TRMT1L: variants seen among roughly 807,000 people sequenced by gnomAD.
TRMT1L encodes tRNA (guanine(27)-N(2))-dimethyltransferase.
A neutral mutation model predicts 81.6 loss-of-function variants in TRMT1L; 28 were observed. That is an observed-to-expected ratio of 0.34 (90% CI 0.25 to 0.47). The LOEUF is 0.47. Among genes scored for constraint, TRMT1L ranks in the 20% least tolerant of loss-of-function variants. TRMT1L has a pLI of 1.00. For missense variants in TRMT1L, 739 were observed against 877.1 expected, an observed-to-expected ratio of 0.84 and a Z score of 1.99; for synonymous variants, 301 against 303.2, an observed-to-expected ratio of 0.99 and a Z score of 0.07.
At chr1:185,144,371 C>A (rs1035773822) in intron 5 of TRMT1L, among the ~76,000 whole-genome samples, 12 of 151,964 alleles carry the variant, frequency 7.9e-5, no homozygotes, top group African/African-American at 2.7e-4. Flanking sequence ...CCTAAAATAC[C>A]TTTGTGGTTC....
intron 10 of TRMT1L, among the ~76,000 whole-genome samples, chr1:185,129,107 T>C (rs1287129684): frequency 6.6e-6 from 1 of 152,270 alleles, no homozygotes; most frequent in Admixed American, 6.5e-5. Flanking sequence ...TTACTTACTA[T>C]ACCACATGAA....
chr1:185,145,624 T>C (rs1571355008), intron 4 of TRMT1L, 56 bp from the exon 5 acceptor site: 3 of 1,561,120 alleles, frequency 1.9e-6, no homozygotes, highest in South Asian at 1.1e-5. Flanking sequence ...AACAGAAGTA[T>C]ATGTTTGCAA....
intron 5 of TRMT1L, 25 bp downstream of exon 5, chr1:185,145,414 A>G (rs1190437613): frequency 6.9e-6 from 11 of 1,596,212 alleles, no homozygotes; most frequent in Non-Finnish European, 8.6e-6. Context: ...ACATATTAAT[A>G]TGTTAATGAG....
chr1:185,129,745 T>C (rs1652723625), intron 10 of TRMT1L, among the ~76,000 whole-genome samples: 1 of 152,232 alleles, frequency 6.6e-6, no homozygotes, highest in African/African-American at 2.4e-5. Flanking sequence ...AGATCTTATT[T>C]TACATTTACT....
intron 11 of TRMT1L, among the ~76,000 whole-genome samples, chr1:185,125,353 G>A (rs959745487): frequency 6.6e-6 from 1 of 152,024 alleles, no homozygotes; most frequent in African/African-American, 2.4e-5. Flanking sequence ...TTTTAATAGA[G>A]ATAGGGTGTC....
chr1:185,126,570 A>G (rs1179591615), intron 11 of TRMT1L, among the ~76,000 whole-genome samples: 1 of 152,256 alleles, frequency 6.6e-6, no homozygotes, highest in Non-Finnish European at 1.5e-5. Context: ...TGTGATCAAT[A>G]TAAGATATAC....
chr1:185,123,004 T>G (rs574452518), intron 13 of TRMT1L, among the ~76,000 whole-genome samples: 37 of 152,284 alleles, frequency 2.4e-4, no homozygotes, highest in African/African-American at 8.9e-4. Flanking sequence ...TTCTTTATAG[T>G]GTATCATAAT....
At chr1:185,133,999 T>C (rs1473443389) in intron 10 of TRMT1L, among the ~76,000 whole-genome samples, 1 of 152,156 alleles carries the variant, frequency 6.6e-6, no homozygotes. Context: ...AGCATGCATG[T>C]GACTCGATTG....
intron 1 of TRMT1L, among the ~76,000 whole-genome samples, chr1:185,153,709 G>A (rs1653422072): frequency 6.6e-6 from 1 of 152,040 alleles, no homozygotes. Context: ...TGCATTCCAA[G>A]AGAAAGGAAC....
rs770674466 is a variant in TRMT1L, at chr1:185,140,033, T to C, written c.1049A>G (p.Asn350Ser). 4 of 1,613,794 alleles carry C rather than the reference T, an allele frequency of 2.5e-6. No homozygotes were observed. The Admixed American group carries it at 6.7e-5, about 27-fold the overall frequency. The change falls in exon 8 of 15, where the codon AAT becomes AGT. Residue 350 changes from asparagine to serine, a missense_variant. This residue lies in a region of TRMT1L where 331 missense variants were observed against 462.2 expected (regional missense o/e 0.72). Coordinates refer to ENST00000367506, the MANE Select transcript of TRMT1L (RefSeq NM_030934.5). ...GGCATCCATTTTGGTCACCTTAATA[T>C]TACCAAGATTTTTCTCTCCTTCTTC... is the stretch of plus-strand genomic sequence containing the variant. ...ILEEGEKNLGNIKVTKMDANV... is the reference protein window; with the variant it reads ...ILEEGEKNLGSIKVTKMDANV...
chr1:185,119,941 C>G lies in TRMT1L; in HGVS notation c.*78G>C, dbSNP rs796314506. On this transcript the variant is annotated 3_prime_UTR_variant, in exon 15 of 15. Coordinates refer to ENST00000367506, the MANE Select transcript of TRMT1L (RefSeq NM_030934.5). ...TTTTTACTCTACTGAATTGAAAGAACAGAAAAAGAACTACAGTTGGTATAG... is the reference window on the plus strand; with the variant it reads ...TTTTTACTCTACTGAATTGAAAGAAGAGAAAAAGAACTACAGTTGGTATAG... 2 of 1,406,018 alleles carry G rather than the reference C, an allele frequency of 1.4e-6. No individual in the cohort carries two copies. The highest frequency in any genetic ancestry group is 1.4e-5 in the African/African-American group (1 of 70,318). The allele number at this position is 1,406,018 out of a possible 1,614,324, so 87.1% of individuals were successfully genotyped here.
In TRMT1L at chr1:185,156,907, G is replaced by C; in HGVS notation, c.-195C>G. The C allele has an allele frequency of 1.3e-6, 1 of 747,132 alleles. No individual in the cohort carries two copies. The highest frequency in any genetic ancestry group is 4.1e-4 in the Middle Eastern group (1 of 2,466). 46.3% of individuals were successfully genotyped at this position (747,132 alleles called of 1,614,324 possible). ...GTTAGTAGAAAACAGAAAGCCAGAG[G>C]CAGCGATTCCAGATGCCCGTCCGCT... On this transcript the variant is annotated 5_prime_UTR_variant, in exon 1 of 15. Coordinates refer to ENST00000367506, the MANE Select transcript of TRMT1L (RefSeq NM_030934.5).
At chr1:185,126,950 T>C (rs980407878) in intron 11 of TRMT1L, among the ~76,000 whole-genome samples, 2 of 152,180 alleles carry the variant, frequency 1.3e-5, no homozygotes, top group African/African-American at 4.8e-5. Context: ...TAAGCCAAGA[T>C]TGTGCCACTG....
At chr1:185,131,009 A>T (rs927211245) in intron 10 of TRMT1L, among the ~76,000 whole-genome samples, 6 of 148,852 alleles carry the variant, frequency 4.0e-5, no homozygotes, top group East Asian at 2.0e-4. Context: ...TTTTATTTTT[A>T]TTTTTTTTTT....
At chr1:185,129,750 T>TTTACTTATTTACA (rs1299173315) in intron 10 of TRMT1L, among the ~76,000 whole-genome samples, 102 of 152,340 alleles carry the variant, frequency 6.7e-4, no homozygotes, top group African/African-American at 2.4e-3. Context: ...TTATTTTACA[T>TTTACTTATTTACA]TTACTTAAAA....
chr1:185,147,746 G>A (rs1162392608), intron 3 of TRMT1L, among the ~76,000 whole-genome samples: 1 of 152,106 alleles, frequency 6.6e-6, no homozygotes, highest in Non-Finnish European at 1.5e-5. Context: ...ATAGGCTTGG[G>A]TGGCTAAGTG....
chr1:185,147,104 A>T, intron 4 of TRMT1L, 78 bp downstream of exon 4: 1 of 945,212 alleles, frequency 1.1e-6, no homozygotes, highest in Non-Finnish European at 1.6e-6. Context: ...TACACATTTT[A>T]GTTTCACAGT....
At chr1:185,122,741 G>T in intron 13 of TRMT1L, among the ~76,000 whole-genome samples, 1 of 141,962 alleles carries the variant, frequency 7.0e-6, no homozygotes. Flanking sequence ...CTGGAGTGCA[G>T]TGGTGCAATC....
intron 11 of TRMT1L, 93 bp downstream of exon 11, chr1:185,128,570 GAATTTA>G: frequency 8.8e-7 from 1 of 1,132,298 alleles, no homozygotes; most frequent in Non-Finnish European, 1.3e-6. Context: ...CTTAACAATT[GAATTTA>G]AATTTGTCTT....
Sources: allele counts gnomAD v4.1 joint callset (sites outside exome capture counted in the v4.1 genomes callset), GRCh38; gene constraint gnomAD v4.1.1; regional missense constraint gnomAD v4.1.1; transcripts MANE v1.5; gene names NCBI Gene and HGNC (gene_info 2026-07-23, HGNC 2026-07-21).